Variants in AGBL4 observed in about 807,000 individuals in gnomAD.
The protein encoded by AGBL4 is AGBL carboxypeptidase 4.
A neutral mutation model predicts 66.4 loss-of-function variants in AGBL4; 58 were observed. The observed-to-expected ratio is 0.87, with a 90% confidence interval of 0.71 to 1.09. The LOEUF (loss-of-function observed/expected upper bound fraction) is 1.09. AGBL4 is among the 50% of genes least tolerant of loss of function. AGBL4 has a pLI of 0.00. For missense variants in AGBL4, 579 were observed against 631.0 expected, an observed-to-expected ratio of 0.92 and a Z score of 0.88; for synonymous variants, 234 against 222.9, an observed-to-expected ratio of 1.05 and a Z score of -0.44.
At chr1:49,922,433 T>A (rs1024165696) in intron 1 of AGBL4, among the ~76,000 whole-genome samples, 1 of 152,004 alleles carries the variant, frequency 6.6e-6, no homozygotes, top group African/African-American at 2.4e-5. Context: ...CAATTCAACA[T>A]CGTATTTGAA....
chr1:49,102,915 G>C (rs529049978), intron 4 of AGBL4, among the ~76,000 whole-genome samples: 19 of 152,280 alleles, frequency 1.2e-4, no homozygotes, highest in Non-Finnish European at 2.1e-4. Context: ...GAAGGACAAA[G>C]AGAGATTTTT....
At chr1:49,506,211 G>T (rs1473549076) in intron 3 of AGBL4, among the ~76,000 whole-genome samples, 2 of 151,784 alleles carry the variant, frequency 1.3e-5, no homozygotes, top group African/African-American at 4.8e-5. Flanking sequence ...GCAAACCAAG[G>T]ATGTTATTTA....
At chr1:49,788,877 T>C (rs1437873471) in intron 2 of AGBL4, among the ~76,000 whole-genome samples, 1 of 152,158 alleles carries the variant, frequency 6.6e-6, no homozygotes, top group African/African-American at 2.4e-5. Context: ...TCCAATAATA[T>C]GTTGAATAAG....
chr1:48,621,871 C>G (rs140099228), intron 9 of AGBL4, among the ~76,000 whole-genome samples: 1,799 of 150,824 alleles, frequency 0.012, 18 homozygotes, highest in South Asian at 0.029. Flanking sequence ...TTTTTGAAGT[C>G]TAGGTTTCTA....
rs541164648 is a variant in AGBL4 at position 49,292,444 on chromosome 1, G to A, written c.283-46580C>T. On this transcript the variant is annotated intron_variant, in intron 3 of 13. Coordinates refer to ENST00000371839, the MANE Select transcript of AGBL4 (RefSeq NM_032785.4). ...CCTGCTGACTAGAGGGGGAACTTAC[G>A]GTCCCTTTTCTGGACCCACCCATGG... is the stretch of plus-strand genomic sequence containing the variant. Among the ~76,000 whole-genome samples, 36 of 152,248 alleles carry A rather than the reference G, an allele frequency of 2.4e-4. 2 individuals carry two copies. In the South Asian group the frequency reaches 5.6e-3, roughly 24 times the overall value.
intron 2 of AGBL4, among the ~76,000 whole-genome samples, chr1:49,704,269 C>T (rs1329166052): frequency 6.6e-6 from 1 of 151,946 alleles, no homozygotes; most frequent in Non-Finnish European, 1.5e-5. Flanking sequence ...TTTGGTATTT[C>T]AAAATGATAG....
At chr1:49,473,102 C>T (rs1646778395) in intron 3 of AGBL4, among the ~76,000 whole-genome samples, 1 of 152,000 alleles carries the variant, frequency 6.6e-6, no homozygotes, top group South Asian at 2.1e-4. Context: ...GTGAATAGTG[C>T]TGAGATAATC....
chr1:49,797,376 A>G (rs1269686776), intron 2 of AGBL4, among the ~76,000 whole-genome samples: 6 of 152,184 alleles, frequency 3.9e-5, no homozygotes, highest in Non-Finnish European at 8.8e-5. Flanking sequence ...TGCCTAGGAT[A>G]AATAGGTACA....
intron 6 of AGBL4, among the ~76,000 whole-genome samples, chr1:48,841,399 A>ACC (rs1558032634): frequency 5.7e-5 from 4 of 70,284 alleles, no homozygotes; most frequent in East Asian, 3.6e-4. Flanking sequence ...CTTACTACAA[A>ACC]ACCCCCCCCC....
rs754181536 is a variant in AGBL4 at position 49,883,811 on chromosome 1, C to T, written c.35-32293G>A. 2.6e-5 allele frequency among the ~76,000 whole-genome samples: 4 copies of T among 151,788 alleles called. No homozygotes were observed. The East Asian group carries it at 7.7e-4, about 29-fold the overall frequency. ...AGAAAACAAGACACTACAAAACATGCATGTATTGACACAGACACAAAAGGA... is the reference window on the plus strand; with the variant it reads ...AGAAAACAAGACACTACAAAACATGTATGTATTGACACAGACACAAAAGGA... On this transcript the variant is annotated intron_variant, in intron 1 of 13. Transcript: ENST00000371839.
intron 12 of AGBL4, among the ~76,000 whole-genome samples, chr1:48,539,311 A>G (rs555259186): frequency 3.4e-4 from 52 of 152,350 alleles, no homozygotes; most frequent in South Asian, 1.2e-3. Flanking sequence ...GGAACCTCAG[A>G]GGATGAGGTA....
At chr1:49,923,303 T>C (rs190542937) in intron 1 of AGBL4, among the ~76,000 whole-genome samples, 2 of 152,296 alleles carry the variant, frequency 1.3e-5, no homozygotes, top group African/African-American at 4.8e-5. Context: ...TTTTACCAAA[T>C]ACAAAAACCA....
At chr1:49,837,207 A>G (rs1282614711) in intron 2 of AGBL4, among the ~76,000 whole-genome samples, 1 of 152,172 alleles carries the variant, frequency 6.6e-6, no homozygotes, top group Non-Finnish European at 1.5e-5. Flanking sequence ...AGTTTTATCT[A>G]TAAGCCCCTG....
At chr1:49,453,543 A>T (rs1450022684) in intron 3 of AGBL4, among the ~76,000 whole-genome samples, 3 of 151,740 alleles carry the variant, frequency 2.0e-5, no homozygotes, top group Admixed American at 2.0e-4. Context: ...ATACAATAGA[A>T]TCTTTCTCAT....
intron 3 of AGBL4, among the ~76,000 whole-genome samples, chr1:49,254,959 T>A (rs1045413351): frequency 6.6e-6 from 1 of 152,172 alleles, no homozygotes; most frequent in Non-Finnish European, 1.5e-5. Flanking sequence ...TGGCCAGCCA[T>A]ATGTAGAAGA....
intron 2 of AGBL4, among the ~76,000 whole-genome samples, chr1:49,763,581 C>G (rs915605739): frequency 6.6e-6 from 1 of 152,158 alleles, no homozygotes; most frequent in South Asian, 2.1e-4. Context: ...AGCCACCCAC[C>G]TGGGACTAGC....
intron 2 of AGBL4, among the ~76,000 whole-genome samples, chr1:49,730,611 C>CA (rs1649366576): frequency 6.6e-6 from 1 of 152,148 alleles, no homozygotes; most frequent in Non-Finnish European, 1.5e-5. Flanking sequence ...CAGGTGCTGC[C>CA]ATGTCCACCT....
intron 1 of AGBL4, among the ~76,000 whole-genome samples, chr1:49,883,510 T>C (rs1162598471): frequency 6.6e-6 from 1 of 152,132 alleles, no homozygotes; most frequent in African/African-American, 2.4e-5. Flanking sequence ...CAGAAGAGTC[T>C]AATCTCTTTT....
At chr1:48,782,210 T>C (rs901123438) in intron 6 of AGBL4, among the ~76,000 whole-genome samples, 28 of 152,230 alleles carry the variant, frequency 1.8e-4, no homozygotes, top group African/African-American at 6.3e-4. Flanking sequence ...CCGACTCTCT[T>C]TTTCTGTGGG....
Sources: allele counts gnomAD v4.1 joint callset (sites outside exome capture counted in the v4.1 genomes callset), GRCh38; gene constraint gnomAD v4.1.1; transcripts MANE v1.5; gene names NCBI Gene and HGNC (gene_info 2026-07-23, HGNC 2026-07-21).